Variants in ZNF45 observed in about 807,000 individuals in gnomAD.
ZNF45 encodes the protein BRC1744.
A neutral mutation model predicts 12.0 loss-of-function variants in ZNF45; 4 were observed. The observed-to-expected ratio is 0.33, with a 90% CI of 0.16 to 0.76. ZNF45 has a LOEUF of 0.76. Ranked by LOEUF, ZNF45 falls within the 30% of genes least tolerant of loss-of-function variation. ZNF45 has a pLI of 0.60. For missense variants in ZNF45, 700 were observed against 813.0 expected, an observed-to-expected ratio of 0.86 and a Z score of 1.69; for synonymous variants, 272 against 279.6, an observed-to-expected ratio of 0.97 and a Z score of 0.27.
chr19:43,913,254 T>C lies in ZNF45; in HGVS notation c.*133A>G. On this transcript the variant is annotated 3_prime_UTR_variant, in exon 10 of 10. Coordinates refer to ENST00000269973, the MANE Select transcript of ZNF45 (RefSeq NM_003425.4). ...GAATGCAGTCCATATGTCTCCACTC[T>C]TGTGAGGCTTCTCTGCTGTGTGGTC... 1 of 1,033,312 alleles carries C rather than the reference T, an allele frequency of 9.7e-7. No homozygotes were observed. The highest frequency in any genetic ancestry group is 1.4e-6 in the Non-Finnish European group (1 of 722,542). 64.0% of individuals were successfully genotyped at this position (1,033,312 alleles called of 1,614,324 possible).
chr19:43,924,740 A>G (rs1973528101), intron 4 of ZNF45, among the ~76,000 whole-genome samples, 179 bp from the exon 5 acceptor site: 1 of 152,224 alleles, frequency 6.6e-6, no homozygotes, highest in Non-Finnish European at 1.5e-5. Context: ...CCAGCCCACC[A>G]GTACTGGAAT....
intron 9 of ZNF45, among the ~76,000 whole-genome samples, chr19:43,918,451 T>C (rs1972864738): frequency 6.6e-6 from 1 of 152,166 alleles, no homozygotes. Context: ...CTTTCATGAA[T>C]AGGATTAGTG....
chr19:43,915,898 C>T (rs918575032), intron 9 of ZNF45, among the ~76,000 whole-genome samples: 1 of 152,136 alleles, frequency 6.6e-6, no homozygotes, highest in Non-Finnish European at 1.5e-5. Flanking sequence ...TGGTCCTTTA[C>T]CTCTTGCTAG....
At chr19:43,919,843 A>G (rs1972986234) in intron 7 of ZNF45, 144 bp from the exon 8 acceptor site, 2 of 802,414 alleles carry the variant, frequency 2.5e-6, no homozygotes, top group Non-Finnish European at 1.9e-6. Context: ...AGTTAAACAC[A>G]TATAAAGTGT....
intron 9 of ZNF45, among the ~76,000 whole-genome samples, chr19:43,917,877 A>T (rs1181532187): frequency 1.3e-5 from 2 of 152,200 alleles, no homozygotes; most frequent in South Asian, 4.1e-4. Context: ...CCCAGGTTAT[A>T]ATGTTTCTAA....
At chr19:43,929,836 A>G (rs1421969907) in intron 3 of ZNF45, 1 of 152,098 alleles carries the variant, frequency 6.6e-6, no homozygotes, top group East Asian at 1.9e-4. Context: ...AAATCAACCT[A>G]CCATGGCCCC....
At chr19:43,923,390 A>G (rs1973373671) in intron 6 of ZNF45, among the ~76,000 whole-genome samples, 1 of 152,198 alleles carries the variant, frequency 6.6e-6, no homozygotes, top group South Asian at 2.1e-4. Context: ...AACTTTTGTT[A>G]CAGTATTTTA....
chr19:43,912,846 A>AC lies in ZNF45; in HGVS notation c.*540dup, dbSNP rs1163641345. The AC allele has an allele frequency of 6.6e-6, 1 of 152,442 alleles. No individual in the cohort carries two copies. Among genetic ancestry groups the AC allele is most frequent in the East Asian group, 1.9e-4 (1 of 5,198 alleles). The allele number at this position is 152,442 out of a possible 1,614,324, so 9.4% of individuals were successfully genotyped here. On this transcript the variant is annotated 3_prime_UTR_variant, in exon 10 of 10. Transcript: ENST00000269973. ...TTTCTGAACCCACTAACAAGCTGCA[A>AC]CCTTCAGTTTGATAAACACTTGTCC...
Position 43,914,562 on chromosome 19 carries a change from GAAGAT to G in ZNF45, c.869_873del (p.Tyr290SerfsTer14). 4 of 1,612,632 alleles carry G rather than the reference GAAGAT, an allele frequency of 2.5e-6. No individual in the cohort carries two copies. The highest frequency in any genetic ancestry group is 3.4e-6 in the Non-Finnish European group (4 of 1,178,936). On this transcript the variant is annotated frameshift_variant, in exon 10 of 10. Coordinates refer to ENST00000269973, the MANE Select transcript of ZNF45 (RefSeq NM_003425.4). LOFTEE classifies it low-confidence loss of function (END_TRUNC). ...CCAGTGTGAACTTTCAGATGAACTT[GAAGAT>G]ATGATCTCTGACTGAAGCCCACCCC...
At position 43,914,839 on chromosome 19, in the gene ZNF45, A is replaced by G. The variant is rs200712094; in HGVS notation, c.597T>C (p.Asn199=). 3.9e-5 allele frequency: 63 copies of G among 1,612,058 alleles called. No individual in the cohort carries two copies. Among genetic ancestry groups the G allele is most frequent in the Admixed American group, 1.0e-4 (6 of 59,952 alleles). The part of the protein sequence containing the change: ...EKPYKCEKCD[N]AFRRFSSLQA... ...GAAGACTTGAAAACCGACGGAAGGCATTATCACATTTTTCACATTTGTAGG... is the reference window on the plus strand; with the variant it reads ...GAAGACTTGAAAACCGACGGAAGGCGTTATCACATTTTTCACATTTGTAGG... Residue 199 remains asparagine (N), a synonymous_variant, in exon 10 of 10, where the codon AAT becomes AAC. Transcript: ENST00000269973.
At chr19:43,927,178 T>C (rs1315457441) in intron 3 of ZNF45, among the ~76,000 whole-genome samples, 1 of 152,192 alleles carries the variant, frequency 6.6e-6, no homozygotes, top group African/African-American at 2.4e-5. Context: ...GCTTACTTCT[T>C]TTCTCTAAGC....
chr19:43,928,142 T>C (rs567554481), intron 3 of ZNF45, among the ~76,000 whole-genome samples: 6 of 140,766 alleles, frequency 4.3e-5, no homozygotes, highest in African/African-American at 1.6e-4. Flanking sequence ...GATCGCACCA[T>C]TGCACTCCAG....
At chr19:43,920,486 G>A (rs1345683893) in intron 7 of ZNF45, among the ~76,000 whole-genome samples, 1 of 124,740 alleles carries the variant, frequency 8.0e-6, no homozygotes, top group Non-Finnish European at 1.6e-5. Flanking sequence ...CTAGATGCTG[G>A]TAGCACCCCC....
chr19:43,913,689 G>T lies in ZNF45; in HGVS notation c.1747C>A (p.Pro583Thr), dbSNP rs542900239. 6.2e-7 allele frequency: 1 copy of T among 1,612,538 alleles called. No homozygotes were observed. Among genetic ancestry groups the T allele is most frequent in the South Asian group, 1.1e-5 (1 of 91,004 alleles). The change falls in exon 10 of 10, where the codon CCA becomes ACA. Residue 583 changes from proline (P) to threonine (T), a missense_variant. Physicochemically the swap from Pro to Thr is conservative, Grantham distance 38. Coordinates refer to ENST00000269973, the MANE Select transcript of ZNF45 (RefSeq NM_003425.4). Reference protein sequence around the residue: ...AHRGVHTGEKPYRCDVCGKRF... With the variant: ...AHRGVHTGEKTYRCDVCGKRF... ...TTACCACACACATCACATCGGTATGGTTTTTCTCCTGTGTGGACTCCACGA... is the reference window on the plus strand; with the variant it reads ...TTACCACACACATCACATCGGTATGTTTTTTCTCCTGTGTGGACTCCACGA...
In ZNF45 at chr19:43,913,840, C is replaced by T; in HGVS notation, c.1596G>A (p.Glu532=). The change falls in exon 10 of 10, where the codon GAG becomes GAA. Residue 532 remains glutamate, a synonymous_variant. Coordinates refer to ENST00000269973, the MANE Select transcript of ZNF45 (RefSeq NM_003425.4). ...HTGEKPYQCA[E]CGKGFSVGSQ... ...AACCTACACTGAAGCCCTTCCCACA[C>T]TCTGCACACTGATATGGTTTCTCTC... The T allele has an allele frequency of 2.5e-6, 4 of 1,613,598 alleles. No homozygotes were observed. The highest frequency in any genetic ancestry group is 3.4e-6 in the Non-Finnish European group (4 of 1,179,862).
Position 43,919,661 on chromosome 19 carries a change from A to G in ZNF45, c.54T>C (p.Ser18=), listed in dbSNP as rs758959539. The change falls in exon 8 of 10, where the codon TCT becomes TCC. Residue 18 remains serine, a synonymous_variant. Transcript: ENST00000269973. ...VTFKDVAVVF[S]EEELQLLDLA... ...GGTCCAGCAGTTGCAGCTCCTCCTC[A>G]GAGAAGACCACAGCCACGTCCTTGA... 1 of 1,613,036 alleles carries G rather than the reference A, an allele frequency of 6.2e-7. No individual in the cohort carries two copies. Among genetic ancestry groups the G allele is most frequent in the Admixed American group, 1.7e-5 (1 of 59,978 alleles).
chr19:43,915,294 T>G (rs1192014929), intron 9 of ZNF45, 94 bp from the exon 10 acceptor site: 14 of 1,288,232 alleles, frequency 1.1e-5, no homozygotes, highest in Non-Finnish European at 1.4e-5. Context: ...AGCCTAAGGC[T>G]TCATTGAACC....
intron 9 of ZNF45, among the ~76,000 whole-genome samples, 157 bp from the exon 10 acceptor site, chr19:43,915,357 T>A (rs897369427): frequency 3.9e-5 from 6 of 152,258 alleles, no homozygotes; most frequent in African/African-American, 1.4e-4. Flanking sequence ...GTGGCCCTGT[T>A]CAAAATGTCT....
chr19:43,915,044 T>G lies in ZNF45; in HGVS notation c.392A>C (p.Gln131Pro). 6.2e-7 allele frequency: 1 copy of G among 1,611,124 alleles called. No homozygotes were observed. Among genetic ancestry groups the G allele is most frequent in the South Asian group, 1.1e-5 (1 of 90,740 alleles). ...SVVNIQRTGC[Q>P]LEKRDDLHYK... The stretch of plus-strand genomic sequence containing the variant: ...GTGCAAATCATCTCGTTTTTCCAAC[T>G]GGCAGCCTGTTCTTTGAATATTTAC... The change falls in exon 10 of 10, where the codon CAG becomes CCG. Residue 131 changes from glutamine (Q) to proline (P), a missense_variant. By Grantham distance (76) the Gln-to-Pro change is moderately conservative. Transcript: ENST00000269973.
Sources: allele counts gnomAD v4.1 joint callset (sites outside exome capture counted in the v4.1 genomes callset), GRCh38; gene constraint gnomAD v4.1.1; transcripts MANE v1.5; gene names NCBI Gene and HGNC (gene_info 2026-07-23, HGNC 2026-07-21).